PLPP1: variants seen among roughly 807,000 people sequenced by gnomAD.
The protein encoded by PLPP1 is phospholipid phosphatase 1.
Under a neutral mutation model 31.2 loss-of-function variants are expected in PLPP1, and 24 were observed. The observed-to-expected ratio is 0.77, with a 90% CI of 0.56 to 1.08. The LOEUF (loss-of-function observed/expected upper bound fraction) is 1.08. Ranked by LOEUF, PLPP1 falls within the 50% of genes least tolerant of loss-of-function variation. The pLI is 0.00. For synonymous variants in PLPP1, 146 were observed against 126.3 expected (o/e 1.16, Z -1.05); for missense variants, 319 against 342.7 (o/e 0.93, Z 0.55).
intron 1 of PLPP1, among the ~76,000 whole-genome samples, chr5:55,479,215 T>C (rs1466605251): frequency 6.6e-6 from 1 of 152,022 alleles, no homozygotes. Flanking sequence ...TTAGTAGAGA[T>C]GGGGTTTCAC....
At chr5:55,430,226 G>A (rs972012118) in intron 4 of PLPP1, among the ~76,000 whole-genome samples, 1 of 152,142 alleles carries the variant, frequency 6.6e-6, no homozygotes, top group Non-Finnish European at 1.5e-5. Flanking sequence ...CAGCAAGCCC[G>A]AGGACCTTCC....
intron 1 of PLPP1, among the ~76,000 whole-genome samples, chr5:55,494,779 CTACCTT>C (rs1561246055): frequency 6.6e-6 from 1 of 151,980 alleles, no homozygotes; most frequent in East Asian, 1.9e-4. Context: ...AGGGCAAAGG[CTACCTT>C]TACCATTTTT....
chr5:55,524,671 G>C (rs963090084), intron 1 of PLPP1, among the ~76,000 whole-genome samples: 1 of 152,012 alleles, frequency 6.6e-6, no homozygotes, highest in African/African-American at 2.4e-5. Context: ...TTAGCCCGAC[G>C]TGGTGGTGGG....
At chr5:55,425,613 TA>T (rs1236373458) in intron 5 of PLPP1, 1 of 448,230 alleles carries the variant, frequency 2.2e-6, no homozygotes, top group Admixed American at 4.0e-5. Flanking sequence ...CATAATCCCC[TA>T]AAAAAACTAT....
intron 1 of PLPP1, among the ~76,000 whole-genome samples, chr5:55,506,290 G>T (rs771546725): frequency 6.5e-4 from 92 of 140,956 alleles, no homozygotes; most frequent in Non-Finnish European, 1.0e-3. Context: ...GGCACTAATT[G>T]TATCTCTGGG....
At chr5:55,459,180 A>G (rs1752097033) in intron 3 of PLPP1, among the ~76,000 whole-genome samples, 1 of 151,462 alleles carries the variant, frequency 6.6e-6, no homozygotes, top group Non-Finnish European at 1.5e-5. Flanking sequence ...AAAACAAAGA[A>G]TATTTCTAAA....
chr5:55,432,647 A>G (rs907540988), intron 4 of PLPP1, among the ~76,000 whole-genome samples: 1 of 97,052 alleles, frequency 1.0e-5, no homozygotes, highest in African/African-American at 3.7e-5. Context: ...AGCCAGCCTA[A>G]TTCAACAACA....
intron 1 of PLPP1, 106 bp downstream of exon 1, chr5:55,534,466 C>A: frequency 1.7e-6 from 2 of 1,178,438 alleles, no homozygotes; most frequent in Admixed American, 3.2e-5. Flanking sequence ...CGCCCCACAG[C>A]TGCGCACGCG....
At chr5:55,469,512 A>T (rs200343044) in intron 2 of PLPP1, among the ~76,000 whole-genome samples, 5 of 3,406 alleles carry the variant, frequency 1.5e-3, no homozygotes, top group African/African-American at 2.6e-3. Context: ...AATAAAAATT[A>T]AAAAAAAAAA....
At chr5:55,484,273 A>AT (rs1291560792) in intron 1 of PLPP1, 1 of 151,934 alleles carries the variant, frequency 6.6e-6, no homozygotes, top group Non-Finnish European at 1.5e-5. Context: ...CCTCTTCGTG[A>AT]TTTTCCATCC....
Position 55,514,672 on chromosome 5 carries a change from C to T in PLPP1, c.58+19900G>A, listed in dbSNP as rs184479653. On this transcript the variant is annotated intron_variant, in intron 1 of 5. Transcript: ENST00000307259. ...TAGTAAGCTTTGTTTAAAACACACA[C>T]GCTTTTTTTTTAAAGGCACACAAAT... Among the ~76,000 whole-genome samples the T allele has an allele frequency of 4.8e-4, 73 of 152,228 alleles. 1 individual carries two copies. In the East Asian group the frequency reaches 7.3e-3, roughly 15 times the overall value.
chr5:55,425,912 C>T lies in PLPP1; in HGVS notation c.677G>A (p.Ser226Asn). 6.2e-7 allele frequency: 1 copy of T among 1,613,778 alleles called. No homozygotes were observed. Among genetic ancestry groups the T allele is most frequent in the Non-Finnish European group, 8.5e-7 (1 of 1,179,952 alleles). ...SRVSDYKHHW[S>N]DVLTGLIQGA... ...CTGAATGAGTCCAGTCAACACATCG[C>T]TCCAGTGGTGTTTATAATCAGAAAC... The change falls in exon 5 of 6, where the codon AGC becomes AAC. Residue 226 changes from serine to asparagine, a missense_variant. Coordinates refer to ENST00000307259, the MANE Select transcript of PLPP1 (RefSeq NM_003711.4).
intron 1 of PLPP1, among the ~76,000 whole-genome samples, chr5:55,505,856 A>G (rs2111894971): frequency 6.6e-6 from 1 of 152,328 alleles, no homozygotes; most frequent in Middle Eastern, 3.4e-3. Flanking sequence ...CAGGTGTTCA[A>G]GACCAGCCTG....
intron 4 of PLPP1, among the ~76,000 whole-genome samples, chr5:55,436,592 C>T (rs1230519018): frequency 6.6e-6 from 1 of 152,148 alleles, no homozygotes; most frequent in Non-Finnish European, 1.5e-5. Context: ...AACCAACACT[C>T]CAAAACGTGT....
chr5:55,461,695 T>G (rs952038291), intron 3 of PLPP1, among the ~76,000 whole-genome samples: 1 of 151,982 alleles, frequency 6.6e-6, no homozygotes, highest in Non-Finnish European at 1.5e-5. Flanking sequence ...CACCACTTCA[T>G]TCAACCTGGT....
At chr5:55,425,794 T>TTG (rs1204527207) in intron 5 of PLPP1, 69 bp downstream of exon 5, 13 of 1,383,394 alleles carry the variant, frequency 9.4e-6, no homozygotes, top group African/African-American at 1.5e-5. Context: ...TTTTTGGATT[T>TTG]TTTTTTTCTA....
At chr5:55,466,278 T>A (rs757627582) in intron 3 of PLPP1, among the ~76,000 whole-genome samples, 1 of 152,326 alleles carries the variant, frequency 6.6e-6, no homozygotes, top group South Asian at 2.1e-4. Flanking sequence ...TTAATGTAAA[T>A]CTTCCCTGCC....
chr5:55,483,818 G>C (rs1284800236), intron 1 of PLPP1, among the ~76,000 whole-genome samples: 2 of 151,718 alleles, frequency 1.3e-5, no homozygotes, highest in Non-Finnish European at 2.9e-5. Flanking sequence ...AATTTTAATA[G>C]ACCAATACTT....
intron 4 of PLPP1, among the ~76,000 whole-genome samples, chr5:55,440,395 C>T (rs914593848): frequency 2.0e-5 from 3 of 152,212 alleles, no homozygotes; most frequent in South Asian, 4.2e-4. Flanking sequence ...TCCTCGTGCT[C>T]TAATTAAAAA....
Sources: gnomAD v4.1 joint callset for allele counts (sites outside exome capture counted in the v4.1 genomes callset) on GRCh38, gnomAD v4.1.1 for gene constraint, MANE v1.5 for transcripts, NCBI Gene and HGNC (gene_info 2026-07-23, HGNC 2026-07-21) for gene names.